LSS: variants seen among roughly 807,000 people sequenced by gnomAD.
LSS encodes 2,3-epoxysqualene-lanosterol cyclase.
Under a neutral mutation model 110.3 loss-of-function variants are expected in LSS, and 90 were observed. The ratio of observed to expected loss-of-function variants is 0.82; its 90% CI spans 0.69 to 0.97. The LOEUF (loss-of-function observed/expected upper bound fraction) is 0.97, where lower values mean the gene tolerates loss of function less well. LSS is among the 50% of genes least tolerant of loss of function. LSS has a pLI of 0.00. For missense variants in LSS, 927 were observed against 990.0 expected (o/e 0.94, Z 0.85); for synonymous variants, 433 against 400.0 (o/e 1.08, Z -0.98).
chr21:46,207,727 C>A, intron 14 of LSS, 150 bp from the exon 15 acceptor site: 1 of 880,242 alleles, frequency 1.1e-6, no homozygotes, highest in Non-Finnish European at 1.7e-6. Context: ...GCCAGGGCCC[C>A]AAGCTGGGTA....
rs1202930493 is a variant in LSS, at chr21:46,188,729, A to C, written c.*2375T>G. The C allele has an allele frequency of 2.1e-6, 1 of 471,090 alleles. No homozygotes were observed. 29.2% of individuals were successfully genotyped at this position (471,090 alleles called of 1,614,324 possible). A position where few individuals can be genotyped will look rare whatever the true frequency, so the allele number is the denominator to read the frequency against. The stretch of plus-strand genomic sequence containing the variant: ...TGAACACAGATGTGATTTCTAAAGA[A>C]GACTGAAGGCAGGGATACTGACACT... On this transcript the variant is annotated 3_prime_UTR_variant, in exon 22 of 22. Transcript: ENST00000397728.
chr21:46,190,834 G>A lies in LSS; in HGVS notation c.*270C>T. The A allele has an allele frequency of 2.1e-6, 1 of 472,238 alleles. No individual in the cohort carries two copies. Among genetic ancestry groups the A allele is most frequent in the South Asian group, 3.2e-5 (1 of 31,206 alleles). 29.3% of individuals were successfully genotyped at this position (472,238 alleles called of 1,614,324 possible). On this transcript the variant is annotated 3_prime_UTR_variant, in exon 22 of 22. Transcript: ENST00000397728. The surrounding 1 kb of genome is among the most constrained non-coding windows in gnomAD (Gnocchi z 4.6). The stretch of plus-strand genomic sequence containing the variant: ...GCCCAGAGGTGGCAGAAGGCGCTGT[G>A]CCTCCTCAGGGGTCACGGCTCCTGT...
In LSS at chr21:46,209,848, C is replaced by T. The variant is rs1012339233; in HGVS notation, c.1195-223G>A. Among the ~76,000 whole-genome samples, 1 of 151,994 alleles carries T rather than the reference C, an allele frequency of 6.6e-6. No individual in the cohort carries two copies. Among genetic ancestry groups the T allele is most frequent in the South Asian group, 2.1e-4 (1 of 4,814 alleles). On this transcript the variant is annotated intron_variant, in intron 12 of 21. Coordinates refer to ENST00000397728, the MANE Select transcript of LSS (RefSeq NM_002340.6). The surrounding 1 kb of genome is among the most constrained non-coding windows in gnomAD (Gnocchi z 4.4). Reference sequence around the variant, plus strand: ...CTGAAGATGGAAGGGCGCAGGAGACCATTTATGGATGCCAGCACCCCCCTG... The same window carrying T: ...CTGAAGATGGAAGGGCGCAGGAGACTATTTATGGATGCCAGCACCCCCCTG...
chr21:46,194,158 C>T (rs1219253632), intron 20 of LSS, among the ~76,000 whole-genome samples: 3 of 152,188 alleles, frequency 2.0e-5, no homozygotes, highest in Non-Finnish European at 4.4e-5. Context: ...TCATCACTAC[C>T]ACACCAGGAA....
intron 6 of LSS, among the ~76,000 whole-genome samples, chr21:46,217,118 G>A (rs1245718949): frequency 1.3e-5 from 2 of 151,876 alleles, no homozygotes; most frequent in South Asian, 2.1e-4. Flanking sequence ...ATGGTGGTGT[G>A]TGCCTCTAGT....
In LSS at chr21:46,210,670, A is replaced by G. The variant is rs1464689027; in HGVS notation, c.1194+18T>C. ...AGGAAGGTCAGCTGAGGCTGAGAAA[A>G]GAGAAGGAGCCACGAACCTCAAGCA... On this transcript the variant is annotated intron_variant, in intron 12 of 21. Transcript: ENST00000397728. 5 of 1,613,402 alleles carry G rather than the reference A, an allele frequency of 3.1e-6. No homozygotes were observed. Among genetic ancestry groups the G allele is most frequent in the Non-Finnish European group, 4.2e-6 (5 of 1,179,868 alleles).
intron 17 of LSS, among the ~76,000 whole-genome samples, chr21:46,202,171 G>A (rs923297590): frequency 7.2e-6 from 1 of 139,662 alleles, no homozygotes; most frequent in African/African-American, 2.6e-5. Flanking sequence ...GAGGCGGGCG[G>A]ATCACGAGGT....
chr21:46,202,610 T>G (rs1434845370), intron 17 of LSS, among the ~76,000 whole-genome samples: 4 of 151,832 alleles, frequency 2.6e-5, no homozygotes, highest in Admixed American at 2.0e-4. Flanking sequence ...AATGGCTGGG[T>G]GTGGTGGCTC....
intron 11 of LSS, 97 bp from the exon 12 acceptor site, chr21:46,210,841 G>T (rs1328054883): frequency 8.5e-7 from 1 of 1,180,290 alleles, no homozygotes; most frequent in Non-Finnish European, 1.2e-6. Context: ...GCCAGGTGTG[G>T]GGGCTCCCAC....
intron 21 of LSS, among the ~76,000 whole-genome samples, chr21:46,191,614 C>T (rs1038456012): frequency 6.6e-5 from 10 of 152,192 alleles, no homozygotes; most frequent in Non-Finnish European, 1.5e-4. Flanking sequence ...GTCTGTCCTG[C>T]AGCAAAAAGG....
chr21:46,196,134 G>A, intron 18 of LSS, 68 bp downstream of exon 18: 4 of 1,447,114 alleles, frequency 2.8e-6, no homozygotes, highest in Non-Finnish European at 1.9e-6. Flanking sequence ...ATTTATGAAC[G>A]CAGTGTGTGA....
Position 46,189,282 on chromosome 21 carries a change from G to C in LSS, c.*1822C>G, listed in dbSNP as rs2079770710. 4.1e-6 allele frequency: 1 copy of C among 243,690 alleles called. No individual in the cohort carries two copies. Among genetic ancestry groups the C allele is most frequent in the African/African-American group, 2.3e-5 (1 of 43,546 alleles). 15.1% of individuals were successfully genotyped at this position (243,690 alleles called of 1,614,324 possible). On this transcript the variant is annotated 3_prime_UTR_variant, in exon 22 of 22. Coordinates refer to ENST00000397728, the MANE Select transcript of LSS (RefSeq NM_002340.6). The stretch of plus-strand genomic sequence containing the variant: ...AGGAGTCCCAGGGACAGCAGCCTCT[G>C]CTCAGGGCAGACTCTGTGATTCACT...
intron 5 of LSS, among the ~76,000 whole-genome samples, chr21:46,220,848 G>A (rs1225403415): frequency 6.6e-6 from 1 of 151,596 alleles, no homozygotes. Context: ...CCTGGGGCTT[G>A]GAGAGGTAGC....
Position 46,194,641 on chromosome 21 carries a change from G to A in LSS, c.1838C>T (p.Ser613Phe), listed in dbSNP as rs541033155. 9 of 1,613,106 alleles carry A rather than the reference G, an allele frequency of 5.6e-6. No homozygotes were observed. Among genetic ancestry groups the A allele is most frequent in the African/African-American group, 5.3e-5 (4 of 75,048 alleles). The change falls in exon 20 of 22, where the codon TCC becomes TTC. Residue 613 changes from serine to phenylalanine, a missense_variant. Physicochemically the swap from Ser to Phe is radical, Grantham distance 155 (BLOSUM62 -2). Transcript: ENST00000397728. ...GGACAGCAGGAAGTCACAGGCCCGG[G>A]AGACCTCTGCACAGGCAGTCCTGCA... ...YRDGTACAEVSRACDFLLSRQ... is the reference protein window; with the variant it reads ...YRDGTACAEVFRACDFLLSRQ...
Position 46,215,164 on chromosome 21 carries a change from G to C in LSS, c.1011+16C>G. On this transcript the variant is annotated intron_variant, in intron 9 of 21. Coordinates refer to ENST00000397728, the MANE Select transcript of LSS (RefSeq NM_002340.6). ...CCCCCAGGGGCTGCAGTCAGAGGCC[G>C]GGCAGGGGCACTGACCGGGCCGATG... is the stretch of plus-strand genomic sequence containing the variant. 6.3e-7 allele frequency: 1 copy of C among 1,599,888 alleles called. No homozygotes were observed. The highest frequency in any genetic ancestry group is 8.5e-7 in the Non-Finnish European group (1 of 1,172,838).
rs952572234 is a variant in LSS, at chr21:46,188,802, G to A, written c.*2302C>T. 4.3e-6 allele frequency: 2 copies of A among 469,756 alleles called. No homozygotes were observed. Among genetic ancestry groups the A allele is most frequent in the African/African-American group, 2.0e-5 (1 of 50,062 alleles). 29.1% of individuals were successfully genotyped at this position (469,756 alleles called of 1,614,324 possible). The stretch of plus-strand genomic sequence containing the variant: ...ACCGAAGAGGGCAGGGAATCGCTGC[G>A]TCCTGTGACTTGAAGGCCACTGTGA... On this transcript the variant is annotated 3_prime_UTR_variant, in exon 22 of 22. Coordinates refer to ENST00000397728, the MANE Select transcript of LSS (RefSeq NM_002340.6).
chr21:46,193,205 TGTGG>T (rs1387246198), intron 20 of LSS: 1 of 447,854 alleles, frequency 2.2e-6, no homozygotes, highest in Non-Finnish European at 4.4e-6. Context: ...GATGGGATGC[TGTGG>T]GTGTATCTGC....
At position 46,191,117 on chromosome 21, in the gene LSS, G is replaced by A. The variant is rs1569013432; in HGVS notation, c.2186C>T (p.Ala729Val). Residue 729 changes from alanine (A) to valine (V), a missense_variant, in exon 22 of 22, where the codon GCT (alanine) becomes GTT (valine). By Grantham distance (64) the Ala-to-Val change is moderately conservative (BLOSUM62 0). Coordinates refer to ENST00000397728, the MANE Select transcript of LSS (RefSeq NM_002340.6). ...FSQLYPERAL[A>V]GHP The stretch of plus-strand genomic sequence containing the variant: ...GTAGGCATGTTCTCAGGGGTGGCCA[G>A]CAAGGGCTCTCTCAGGGTACAGCTG... 1.2e-6 allele frequency: 2 copies of A among 1,614,144 alleles called. No homozygotes were observed. The highest frequency in any genetic ancestry group is 2.2e-5 in the East Asian group (1 of 44,886).
chr21:46,203,318 A>C (rs2080003424), intron 17 of LSS, among the ~76,000 whole-genome samples: 1 of 152,242 alleles, frequency 6.6e-6, no homozygotes, highest in Non-Finnish European at 1.5e-5. Flanking sequence ...AAATGACACA[A>C]CACCTGTGCC....
Sources: gnomAD v4.1 joint callset for allele counts (sites outside exome capture counted in the v4.1 genomes callset) on GRCh38, gnomAD v4.1.1 for gene constraint, Gnocchi (gnomAD v3.1) non-coding constraint, MANE v1.5 for transcripts, NCBI Gene and HGNC (gene_info 2026-07-23, HGNC 2026-07-21) for gene names.